The following DIPK2A variants were observed in gnomAD, a reference collection of about 807,000 sequenced individuals.
The protein encoded by DIPK2A is divergent protein kinase domain 2A.
A neutral mutation model predicts 39.0 loss-of-function variants in DIPK2A; 27 were observed. That is an observed-to-expected ratio of 0.69 (90% CI 0.51 to 0.96). The LOEUF is 0.96. Among genes scored for constraint, DIPK2A ranks in the 40% least tolerant of loss-of-function variants. The probability of loss-of-function intolerance (pLI) is 0.00; values close to 1 mark genes in which losing one functional copy is unlikely to be tolerated. For synonymous variants in DIPK2A, 298 were observed against 240.8 expected, an observed-to-expected ratio of 1.24 and a Z score of -2.20; for missense variants, 528 against 571.3, an observed-to-expected ratio of 0.92 and a Z score of 0.77.
chr3:143,972,262 T>C lies in DIPK2A; in HGVS notation c.-71T>C, dbSNP rs73000690. On this transcript the variant is annotated 5_prime_UTR_variant, in exon 1 of 3. Coordinates refer to ENST00000315691, the MANE Select transcript of DIPK2A (RefSeq NM_173552.5). ...CTCGCCCGGGGTTCCTGCCGGTAGC[T>C]CTCCGGGTCTTGGCGCGGCGGGGGC... 85,248 of 1,306,598 alleles carry C rather than the reference T, an allele frequency of 0.065. 4,013 individuals are homozygous for C. Among genetic ancestry groups the C allele is most frequent in the East Asian group, 0.23 (7,740 of 33,226 alleles). The allele number at this position is 1,306,598 out of a possible 1,614,324, so 80.9% of individuals were successfully genotyped here.
At chr3:143,980,293 A>G (rs940351625) in intron 1 of DIPK2A, among the ~76,000 whole-genome samples, 4 of 150,460 alleles carry the variant, frequency 2.7e-5, no homozygotes, top group Admixed American at 6.6e-5. Flanking sequence ...CTTTATTTTG[A>G]TGGAGTCTCT....
At chr3:143,979,495 T>A (rs1366061095) in intron 1 of DIPK2A, among the ~76,000 whole-genome samples, 1 of 152,200 alleles carries the variant, frequency 6.6e-6, no homozygotes, top group African/African-American at 2.4e-5. Context: ...TGCTTCAGTG[T>A]CTTCGTATTT....
intron 1 of DIPK2A, among the ~76,000 whole-genome samples, chr3:143,976,184 A>G (rs2087725785): frequency 6.6e-6 from 1 of 152,070 alleles, no homozygotes; most frequent in Admixed American, 6.6e-5. Context: ...GGATAGTTTC[A>G]CTAGTTTACA....
intron 2 of DIPK2A, among the ~76,000 whole-genome samples, chr3:143,989,248 T>A (rs1392786459): frequency 1.3e-5 from 2 of 152,208 alleles, no homozygotes; most frequent in African/African-American, 4.8e-5. Context: ...CATATTTCTT[T>A]ATGGCACTTT....
Position 143,972,758 on chromosome 3 carries a change from C to G in DIPK2A, c.426C>G (p.Pro142=), listed in dbSNP as rs568934884. 1.3e-6 allele frequency: 2 copies of G among 1,576,942 alleles called. No homozygotes were observed. The highest frequency in any genetic ancestry group is 1.7e-4 in the Middle Eastern group (1 of 5,978). Residue 142 remains proline (P), a synonymous_variant, in exon 1 of 3, where the codon CCC becomes CCG. Coordinates refer to ENST00000315691, the MANE Select transcript of DIPK2A (RefSeq NM_173552.5). ...GCTGCGACCTGCTGCAGGCCATGCC[C>G]CGGACCGAGTTCGCGCGCCTCAACG... ...RPRCDLLQAM[P]RTEFARLNGD... is the part of the protein sequence containing the mutation.
rs755253070 is a variant in DIPK2A at position 143,972,551 on chromosome 3, A to G, written c.219A>G (p.Val73=). Residue 73 remains valine, a synonymous_variant, in exon 1 of 3, where the codon GTA becomes GTG. Transcript: ENST00000315691. ...GCCGCTTCCTCAACGGGCAGGTGGT[A>G]TTCGAGGCGTGGGGCCGCTTGCGCC... ...WCRRFLNGQV[V]FEAWGRLRLL... 1.9e-5 allele frequency: 30 copies of G among 1,612,348 alleles called. No homozygotes were observed. In the East Asian group the frequency reaches 6.7e-4, roughly 36 times the overall value.
intron 1 of DIPK2A, among the ~76,000 whole-genome samples, chr3:143,976,835 A>G (rs1473337007): frequency 6.6e-6 from 1 of 152,068 alleles, no homozygotes; most frequent in African/African-American, 2.4e-5. Context: ...TTCTATTCTT[A>G]TAAATGATAT....
intron 1 of DIPK2A, among the ~76,000 whole-genome samples, chr3:143,974,942 A>G (rs935571366): frequency 6.6e-6 from 1 of 152,112 alleles, no homozygotes; most frequent in African/African-American, 2.4e-5. Context: ...GAGATAGTCA[A>G]GTGTGCGTGT....
At position 143,971,922 on chromosome 3, in the gene DIPK2A, G is replaced by C. The variant is rs780654777; in HGVS notation, c.-411G>C. The C allele has an allele frequency of 5.4e-6, 1 of 185,846 alleles. No homozygotes were observed. The highest frequency in any genetic ancestry group is 2.3e-5 in the African/African-American group (1 of 42,910). The allele number at this position is 185,846 out of a possible 1,614,324, so 11.5% of individuals were successfully genotyped here. On this transcript the variant is annotated 5_prime_UTR_variant, in exon 1 of 3. Coordinates refer to ENST00000315691, the MANE Select transcript of DIPK2A (RefSeq NM_173552.5). ...TCCGTGAGTCCCTCCTTTCCTCGCA[G>C]ACCCCACTTGTCGTGGCTGGCTGCC...
At position 143,972,323 on chromosome 3, in the gene DIPK2A, G is replaced by C; in HGVS notation, c.-10G>C. ...TGCCCTCGCCCTCCCGTTGCGGGCG[G>C]GCGGGCGGTATGTGGCGCCTGGTGC... On this transcript the variant is annotated 5_prime_UTR_variant, in exon 1 of 3. Coordinates refer to ENST00000315691, the MANE Select transcript of DIPK2A (RefSeq NM_173552.5). The C allele has an allele frequency of 7.4e-7, 1 of 1,352,698 alleles. No individual in the cohort carries two copies. Among genetic ancestry groups the C allele is most frequent in the African/African-American group, 1.5e-5 (1 of 65,028 alleles). 83.8% of individuals were successfully genotyped at this position (1,352,698 alleles called of 1,614,324 possible).
At chr3:143,983,843 A>T (rs936933769) in intron 1 of DIPK2A, among the ~76,000 whole-genome samples, 12 of 144,480 alleles carry the variant, frequency 8.3e-5, no homozygotes, top group African/African-American at 3.5e-4. Context: ...AGGCTGTTTC[A>T]TCTACATTTT....
At chr3:143,987,575 T>A (rs571059846) in intron 2 of DIPK2A, among the ~76,000 whole-genome samples, 1 of 152,234 alleles carries the variant, frequency 6.6e-6, no homozygotes, top group African/African-American at 2.4e-5. Context: ...GAGATTTTGC[T>A]GTGGCAACTC....
At chr3:143,977,743 A>G (rs946219141) in intron 1 of DIPK2A, among the ~76,000 whole-genome samples, 1 of 152,054 alleles carries the variant, frequency 6.6e-6, no homozygotes, top group Non-Finnish European at 1.5e-5. Flanking sequence ...GTGGCTTTTC[A>G]TCTGAGAGTC....
chr3:143,973,560 G>C, intron 1 of DIPK2A: 1 of 1,547,884 alleles, frequency 6.5e-7, no homozygotes, highest in Non-Finnish European at 8.7e-7. Flanking sequence ...GACAGTGGTC[G>C]GGGTGGGTTT....
At chr3:143,980,630 CTTTT>C (rs35995293) in intron 1 of DIPK2A, among the ~76,000 whole-genome samples, 1 of 147,254 alleles carries the variant, frequency 6.8e-6, no homozygotes, top group Non-Finnish European at 1.5e-5. Flanking sequence ...CAAGCTTAAA[CTTTT>C]TTTTTTTTTG....
At chr3:143,988,279 T>C (rs1021658294) in intron 2 of DIPK2A, among the ~76,000 whole-genome samples, 1 of 152,062 alleles carries the variant, frequency 6.6e-6, no homozygotes, top group Non-Finnish European at 1.5e-5. Context: ...TTAAATTTTT[T>C]GTAGAGGGTG....
At position 143,985,752 on chromosome 3, in the gene DIPK2A, C is replaced by T. The variant is rs374464477; in HGVS notation, c.867C>T (p.Ser289=). 6.2e-7 allele frequency: 1 copy of T among 1,614,128 alleles called. No individual in the cohort carries two copies. The highest frequency in any genetic ancestry group is 1.7e-5 in the Admixed American group (1 of 60,034). The part of the protein sequence containing the change: ...FEFALYLLDV[S]FDNFAVGPRD... ...TTGCACTCTACCTCCTGGACGTCAG[C>T]TTTGACAATTTTGCAGTTGGTCCTA... Residue 289 remains serine (S), a synonymous_variant, in exon 2 of 3, where the codon AGC becomes AGT. Coordinates refer to ENST00000315691, the MANE Select transcript of DIPK2A (RefSeq NM_173552.5).
At chr3:143,980,934 T>C (rs1006511214) in intron 1 of DIPK2A, among the ~76,000 whole-genome samples, 2 of 152,202 alleles carry the variant, frequency 1.3e-5, no homozygotes, top group African/African-American at 4.8e-5. Flanking sequence ...TTTTTGGTCA[T>C]GTAGGAGAAA....
rs981444630 is a variant in DIPK2A at position 143,990,953 on chromosome 3, T to C, written c.*1112T>C. ...GGGTAGTTTTGCAAAATTAACATGGTAGCCATTGTTTGAATTTAATCGGGC... is the reference window on the plus strand; with the variant it reads ...GGGTAGTTTTGCAAAATTAACATGGCAGCCATTGTTTGAATTTAATCGGGC... On this transcript the variant is annotated 3_prime_UTR_variant, in exon 3 of 3. Coordinates refer to ENST00000315691, the MANE Select transcript of DIPK2A (RefSeq NM_173552.5). The C allele has an allele frequency of 5.9e-5, 9 of 152,352 alleles. No homozygotes were observed. The highest frequency in any genetic ancestry group is 1.9e-4 in the African/African-American group (8 of 41,450). The allele number at this position is 152,352 out of a possible 1,614,324, so 9.4% of individuals were successfully genotyped here.
Sources: gnomAD v4.1 joint callset for allele counts (sites outside exome capture counted in the v4.1 genomes callset) on GRCh38, gnomAD v4.1.1 for gene constraint, MANE v1.5 for transcripts, NCBI Gene and HGNC (gene_info 2026-07-23, HGNC 2026-07-21) for gene names.